SDK1: variants seen among roughly 807,000 people sequenced by gnomAD.
SDK1 encodes the protein sidekick cell adhesion molecule 1, also known as protein sidekick-1.
In SDK1, 157 loss-of-function variants were observed where a neutral mutation model predicts 245.5. The ratio of observed to expected loss-of-function variants is 0.64; its 90% CI spans 0.56 to 0.73. The LOEUF is 0.73. SDK1 is among the 30% of genes least tolerant of loss of function. The probability of loss-of-function intolerance (pLI) is 0.00; values close to 1 mark genes in which losing one functional copy is unlikely to be tolerated. For missense variants in SDK1, 3,583 were observed against 3,002.3 expected (o/e 1.19, Z -4.52); for synonymous variants, 1,647 against 1,278.5 (o/e 1.29, Z -6.15).
chr7:3,565,801 GAAT>G (rs1408424254), intron 1 of SDK1, among the ~76,000 whole-genome samples: 2 of 152,078 alleles, frequency 1.3e-5, no homozygotes, highest in Non-Finnish European at 2.9e-5. Context: ...ATTGTTCAGG[GAAT>G]AATGACAGGA....
At position 3,461,764 on chromosome 7, in the gene SDK1, A is replaced by G. The variant is rs185366536; in HGVS notation, c.299-157316A>G. ...AAACCTCAATATCCAACTTACAGAA[A>G]TGACTGACCTGCATTTATCTTCAGC... On this transcript the variant is annotated intron_variant, in intron 1 of 44. Coordinates refer to ENST00000404826, the MANE Select transcript of SDK1 (RefSeq NM_152744.4). Among the ~76,000 whole-genome samples, 28 of 152,340 alleles carry G rather than the reference A, an allele frequency of 1.8e-4. No individual in the cohort carries two copies. The East Asian group carries it at 4.8e-3, about 26-fold the overall frequency.
chr7:3,648,097 T>C (rs1222677036), intron 4 of SDK1, among the ~76,000 whole-genome samples: 1 of 152,248 alleles, frequency 6.6e-6, no homozygotes, highest in East Asian at 1.9e-4. Context: ...AAAGATGAGC[T>C]TAGCTTTGTC....
chr7:3,482,001 A>G (rs1204845103), intron 1 of SDK1, among the ~76,000 whole-genome samples: 2 of 151,048 alleles, frequency 1.3e-5, no homozygotes, highest in African/African-American at 2.4e-5. Flanking sequence ...AAAAAATATA[A>G]TAAGGGATTA....
chr7:3,600,644 G>C (rs1781226300), intron 1 of SDK1, among the ~76,000 whole-genome samples: 1 of 150,130 alleles, frequency 6.7e-6, no homozygotes, highest in Non-Finnish European at 1.5e-5. Context: ...AAGCTCCCGG[G>C]TTCACGCCAT....
At chr7:4,185,687 C>T (rs1445531621) in intron 35 of SDK1, among the ~76,000 whole-genome samples, 1 of 152,186 alleles carries the variant, frequency 6.6e-6, no homozygotes, top group Non-Finnish European at 1.5e-5. Context: ...GTACACAGCT[C>T]TTTGCATATC....
intron 1 of SDK1, among the ~76,000 whole-genome samples, chr7:3,377,881 C>T (rs138599274): frequency 0.086 from 13,146 of 152,160 alleles, 785 homozygotes; most frequent in African/African-American, 0.16. Flanking sequence ...TGGGCTCAAG[C>T]AATTCTCCTG....
chr7:3,683,414 A>G (rs1418769004), intron 4 of SDK1, among the ~76,000 whole-genome samples: 1 of 152,230 alleles, frequency 6.6e-6, no homozygotes, highest in African/African-American at 2.4e-5. Flanking sequence ...TGAGGCGAGT[A>G]GGTAGTTTTA....
chr7:4,095,428 AG>A (rs1782086682), intron 22 of SDK1, among the ~76,000 whole-genome samples: 1 of 152,224 alleles, frequency 6.6e-6, no homozygotes, highest in Non-Finnish European at 1.5e-5. Context: ...AAAACAACTC[AG>A]GGACATATGG....
chr7:3,588,952 C>CT (rs1027552488), intron 1 of SDK1, among the ~76,000 whole-genome samples: 2 of 152,114 alleles, frequency 1.3e-5, no homozygotes, highest in Non-Finnish European at 2.9e-5. Context: ...AAAGAAGCTG[C>CT]TTTTTTATTT....
intron 2 of SDK1, among the ~76,000 whole-genome samples, chr7:3,625,775 CAGAGAAT>C (rs1782096614): frequency 6.6e-6 from 1 of 152,046 alleles, no homozygotes; most frequent in Non-Finnish European, 1.5e-5. Context: ...GCTGTGGTGC[CAGAGAAT>C]CCCCAGGACA....
At chr7:3,606,415 A>G (rs1169814716) in intron 1 of SDK1, among the ~76,000 whole-genome samples, 1 of 152,212 alleles carries the variant, frequency 6.6e-6, no homozygotes, top group Non-Finnish European at 1.5e-5. Flanking sequence ...TAGTGAAGTC[A>G]GAACTTATCA....
intron 2 of SDK1, among the ~76,000 whole-genome samples, chr7:3,621,749 T>C (rs1365745133): frequency 1.3e-5 from 2 of 152,020 alleles, no homozygotes; most frequent in African/African-American, 4.8e-5. Context: ...CTCTGGGGGG[T>C]GCAAGAGTAA....
At chr7:3,304,283 A>G (rs1583658675) in intron 1 of SDK1, among the ~76,000 whole-genome samples, 1 of 152,210 alleles carries the variant, frequency 6.6e-6, no homozygotes, top group South Asian at 2.1e-4. Context: ...TAAAAAGCCA[A>G]GTCTTTAATT....
intron 4 of SDK1, among the ~76,000 whole-genome samples, chr7:3,778,935 A>G (rs1171779347): frequency 1.3e-5 from 2 of 152,202 alleles, no homozygotes; most frequent in Non-Finnish European, 2.9e-5. Flanking sequence ...AGAATCTGTT[A>G]GTTTTGTAGG....
intron 4 of SDK1, among the ~76,000 whole-genome samples, chr7:3,744,622 T>C (rs983876700): frequency 9.2e-5 from 14 of 151,958 alleles, no homozygotes; most frequent in African/African-American, 3.1e-4. Context: ...CCATCCTGGC[T>C]AACACGATGA....
chr7:3,805,208 A>G (rs995705432), intron 4 of SDK1, among the ~76,000 whole-genome samples: 2 of 152,170 alleles, frequency 1.3e-5, no homozygotes, highest in Non-Finnish European at 2.9e-5. Context: ...TGTTTTTTGT[A>G]TGTGTATCTT....
chr7:3,847,976 A>G (rs186053965), intron 5 of SDK1, among the ~76,000 whole-genome samples: 8,298 of 150,278 alleles, frequency 0.055, 720 homozygotes, highest in African/African-American at 0.19. Context: ...TAATCATACT[A>G]TCGTACTTTC....
chr7:3,440,618 T>C (rs1780167432), intron 1 of SDK1, among the ~76,000 whole-genome samples: 1 of 152,140 alleles, frequency 6.6e-6, no homozygotes, highest in Non-Finnish European at 1.5e-5. Flanking sequence ...TGTTGGCAAT[T>C]AGGATGTGCC....
chr7:3,900,864 C>G (rs1240596631), intron 5 of SDK1, among the ~76,000 whole-genome samples: 2 of 152,130 alleles, frequency 1.3e-5, no homozygotes, highest in African/African-American at 4.8e-5. Context: ...ACCATAAAAT[C>G]ATTGCTCTTG....
Sources: allele counts gnomAD v4.1 joint callset (sites outside exome capture counted in the v4.1 genomes callset), GRCh38; gene constraint gnomAD v4.1.1; transcripts MANE v1.5; gene names NCBI Gene and HGNC (gene_info 2026-07-23, HGNC 2026-07-21).